Variants in NGEF observed in about 807,000 individuals in gnomAD.
The protein encoded by NGEF is neuronal guanine nucleotide exchange factor, also known as ephexin-1.
Under a neutral mutation model 80.9 loss-of-function variants are expected in NGEF, and 31 were observed. The ratio of observed to expected loss-of-function variants is 0.38; its 90% confidence interval spans 0.29 to 0.52. The LOEUF is 0.52. Ranked by LOEUF, NGEF falls within the 20% of genes least tolerant of loss-of-function variation. The pLI, the probability that NGEF is intolerant of heterozygous loss-of-function variation, is 0.84. For synonymous variants in NGEF, 371 were observed against 370.2 expected (o/e 1.00, Z -0.03); for missense variants, 709 against 926.2 (o/e 0.77, Z 3.04).
At chr2:232,954,737 A>AG (rs1175300289) in intron 3 of NGEF, among the ~76,000 whole-genome samples, 1 of 151,376 alleles carries the variant, frequency 6.6e-6, no homozygotes, top group Non-Finnish European at 1.5e-5. Flanking sequence ...AAGAAAAAAA[A>AG]AAAAAAGAGA....
In NGEF at chr2:232,934,241, C is replaced by CA. The variant is rs11329977; in HGVS notation, c.384-7056dup. 9.5e-4 allele frequency among the ~76,000 whole-genome samples: 94 copies of CA among 98,774 alleles called. 1 individual carries two copies. Among genetic ancestry groups the CA allele is most frequent in the South Asian group, 3.2e-3 (9 of 2,818 alleles). 64.8% of individuals were successfully genotyped at this position (98,774 alleles called of 152,430 possible). On this transcript the variant is annotated intron_variant, in intron 3 of 14. Transcript: ENST00000264051. ...TGGGTGACAGAGCGAGACTGCATCTCAAAAAAAAAAAAAAAAAAAAGAAAG... is the reference window on the plus strand; with the variant it reads ...TGGGTGACAGAGCGAGACTGCATCTCAAAAAAAAAAAAAAAAAAAAAGAAAG...
rs2166441 is a variant in NGEF, at chr2:232,892,733, C to T, written c.1142+165G>A. 0.71 allele frequency among the ~76,000 whole-genome samples: 108,372 copies of T among 152,042 alleles called. 38,674 individuals are homozygous for T. The highest frequency in any genetic ancestry group is 0.76 in the East Asian group (3,916 of 5,146). On this transcript the variant is annotated intron_variant, in intron 7 of 14. Coordinates refer to ENST00000264051, the MANE Select transcript of NGEF (RefSeq NM_019850.3). This position sits in a 1 kb window ranked among gnomAD's most constrained non-coding sequence, Gnocchi z 4.0. ...CACCCTAGAACGTGCTGGGTTGGGACACTGTCACCAGTATCCCTGGCCAAC... is the reference window on the plus strand; with the variant it reads ...CACCCTAGAACGTGCTGGGTTGGGATACTGTCACCAGTATCCCTGGCCAAC...
At chr2:232,987,057 C>T (rs10208886) in intron 1 of NGEF, among the ~76,000 whole-genome samples, 96,944 of 151,910 alleles carry the variant, frequency 0.64, 31,712 homozygotes, top group East Asian at 0.91. Context: ...CACTCTGTTG[C>T]CCAGGCTGGA....
Position 232,881,204 on chromosome 2 carries a change from T to C in NGEF, c.1884A>G (p.Pro628=), listed in dbSNP as rs1691492454. 1 of 1,611,268 alleles carries C rather than the reference T, an allele frequency of 6.2e-7. No individual in the cohort carries two copies. Among genetic ancestry groups the C allele is most frequent in the African/African-American group, 1.3e-5 (1 of 74,906 alleles). ...QCVHPYVAQQ[P]DELTLELADI... Reference sequence around the variant, plus strand: ...CGGCGAGCTCCAGCGTCAGCTCGTCTGGCTGCTGAGCCACGTATGGGTGCA... The same window carrying C: ...CGGCGAGCTCCAGCGTCAGCTCGTCCGGCTGCTGAGCCACGTATGGGTGCA... Residue 628 remains proline, a synonymous_variant, in exon 14 of 15, where the codon CCA becomes CCG. Coordinates refer to ENST00000264051, the MANE Select transcript of NGEF (RefSeq NM_019850.3).
intron 1 of NGEF, among the ~76,000 whole-genome samples, chr2:232,994,048 CTG>C (rs376625564): frequency 1.3e-5 from 2 of 152,172 alleles, no homozygotes; most frequent in African/African-American, 4.8e-5. Context: ...AATGGGTAAA[CTG>C]TGTGAAATGT....
At chr2:232,943,941 T>C (rs1053356275) in intron 3 of NGEF, among the ~76,000 whole-genome samples, 2 of 151,562 alleles carry the variant, frequency 1.3e-5, no homozygotes, top group African/African-American at 4.8e-5. Context: ...GTAATAGAAC[T>C]ACAAGTGCAG....
chr2:232,926,983 T>G, intron 4 of NGEF, 61 bp downstream of exon 4: 1 of 1,609,078 alleles, frequency 6.2e-7, no homozygotes, highest in Admixed American at 1.7e-5. Context: ...AGGAGGACCC[T>G]CAGAGTCCTC....
chr2:232,901,246 G>T, intron 5 of NGEF: 1 of 447,694 alleles, frequency 2.2e-6, no homozygotes. Flanking sequence ...CTGGCCGGCC[G>T]GGACTACAGT....
intron 13 of NGEF, among the ~76,000 whole-genome samples, chr2:232,881,545 G>A (rs1466531798): frequency 6.6e-6 from 1 of 152,098 alleles, no homozygotes; most frequent in African/African-American, 2.4e-5. Flanking sequence ...TCAGGACAGG[G>A]TTCACATGGT....
intron 3 of NGEF, among the ~76,000 whole-genome samples, chr2:232,934,481 A>G (rs756216826): frequency 3.3e-5 from 5 of 152,082 alleles, no homozygotes; most frequent in Non-Finnish European, 5.9e-5. Flanking sequence ...AGCTAAAAAT[A>G]TCTTTGTAAT....
intron 3 of NGEF, among the ~76,000 whole-genome samples, chr2:232,969,611 C>A (rs1230253076): frequency 6.6e-6 from 1 of 151,424 alleles, no homozygotes; most frequent in South Asian, 2.1e-4. Flanking sequence ...CGGGTTCAAT[C>A]GATTCTCTTC....
intron 1 of NGEF, among the ~76,000 whole-genome samples, chr2:232,987,345 A>T (rs559899476): frequency 5.5e-4 from 84 of 152,106 alleles, no homozygotes; most frequent in Non-Finnish European, 7.8e-4. Context: ...ATGTTCTGGA[A>T]TTGCTGCTAA....
chr2:232,902,410 G>A (rs1692383352), intron 5 of NGEF, among the ~76,000 whole-genome samples: 1 of 152,172 alleles, frequency 6.6e-6, no homozygotes, highest in African/African-American at 2.4e-5. Flanking sequence ...TGAGCAGCGT[G>A]GGGAGTGGGG....
intron 5 of NGEF, chr2:232,901,391 G>A (rs771768337): frequency 3.9e-5 from 38 of 985,354 alleles, no homozygotes; most frequent in Non-Finnish European, 4.5e-5. Context: ...TCCAGGGTTC[G>A]CCGTGGACCT....
Position 232,879,356 on chromosome 2 carries a change from T to A in NGEF, c.*133A>T. Reference sequence around the variant, plus strand: ...TGAGCACTCACTGCGTGGGCAGGGATGAGGGCCGGGCACCCCAAGCCAGAT... The same window carrying A: ...TGAGCACTCACTGCGTGGGCAGGGAAGAGGGCCGGGCACCCCAAGCCAGAT... On this transcript the variant is annotated 3_prime_UTR_variant, in exon 15 of 15. Transcript: ENST00000264051. 1.2e-6 allele frequency: 1 copy of A among 859,898 alleles called. No individual in the cohort carries two copies. 53.3% of individuals were successfully genotyped at this position (859,898 alleles called of 1,614,324 possible). A position where few individuals can be genotyped will look rare whatever the true frequency, so the allele number is the denominator to read the frequency against.
rs571566319 is a variant in NGEF at position 233,008,597 on chromosome 2, C to T, written c.-75+4471G>A. Among the ~76,000 whole-genome samples the T allele has an allele frequency of 3.3e-5, 5 of 152,322 alleles. No individual in the cohort carries two copies. In the South Asian group the frequency reaches 8.3e-4, roughly 25 times the overall value. On this transcript the variant is annotated intron_variant, in intron 1 of 14. Transcript: ENST00000264051. ...TTGCCTTCCATATCCCCTGTCACTG[C>T]CTCTGTGGTTCCCAAGCTTCTCTCA...
chr2:232,886,529 T>C (rs1391450976), intron 9 of NGEF, among the ~76,000 whole-genome samples: 1 of 152,216 alleles, frequency 6.6e-6, no homozygotes, highest in Non-Finnish European at 1.5e-5. Flanking sequence ...GCTAGTGAAG[T>C]TTATTTTCTT....
At chr2:232,955,596 G>A (rs375399814) in intron 3 of NGEF, among the ~76,000 whole-genome samples, 83 of 152,214 alleles carry the variant, frequency 5.5e-4, no homozygotes, top group Non-Finnish European at 5.3e-4. Context: ...CGATCTCACC[G>A]CAGCCTCCAC....
Position 232,881,230 on chromosome 2 carries a change from C to G in NGEF, c.1858G>C (p.Val620Leu), listed in dbSNP as rs147833836. Residue 620 changes from valine (V) to leucine (L), a missense_variant, in exon 14 of 15, where the codon GTG (valine) becomes CTG (leucine). Transcript: ENST00000264051. ...RLLDCPQVQC[V>L]HPYVAQQPDE... is the part of the protein sequence containing the mutation. ...GGCTGCTGAGCCACGTATGGGTGCA[C>G]GCACTGGACCTGGGGGCAGTCTGAG... 6.2e-7 allele frequency: 1 copy of G among 1,609,042 alleles called. No homozygotes were observed. Among genetic ancestry groups the G allele is most frequent in the South Asian group, 1.1e-5 (1 of 91,080 alleles).
Sources: gnomAD v4.1 joint callset for allele counts (sites outside exome capture counted in the v4.1 genomes callset) on GRCh38, gnomAD v4.1.1 for gene constraint, Gnocchi (gnomAD v3.1) non-coding constraint, MANE v1.5 for transcripts, NCBI Gene and HGNC (gene_info 2026-07-23, HGNC 2026-07-21) for gene names.